The following DNAAF1 variants were observed in gnomAD, a reference collection of about 807,000 sequenced individuals.
DNAAF1 encodes dynein axonemal assembly factor 1, also known as dynein assembly factor 1, axonemal.
Under a neutral mutation model 71.1 loss-of-function variants are expected in DNAAF1, and 65 were observed. The ratio of observed to expected loss-of-function variants is 0.91; its 90% CI spans 0.75 to 1.12. The LOEUF is 1.12. Among genes scored for constraint, DNAAF1 ranks in the 50% most tolerant of loss-of-function variants. The pLI is 0.00. For missense variants in DNAAF1, 1,178 were observed against 899.8 expected, an observed-to-expected ratio of 1.31 and a Z score of -3.96; for synonymous variants, 414 against 354.6, an observed-to-expected ratio of 1.17 and a Z score of -1.88.
Position 84,159,113 on chromosome 16 carries a change from G to A in DNAAF1, c.742-562G>A, listed in dbSNP as rs1449095628. 53 of 991,670 alleles carry A rather than the reference G, an allele frequency of 5.3e-5. 1 individual carries two copies. Among genetic ancestry groups the A allele is most frequent in the East Asian group, 1.1e-4 (1 of 9,060 alleles). 61.4% of individuals were successfully genotyped at this position (991,670 alleles called of 1,614,324 possible). ...TAAAGATGGGGGAGGATGGCAGGTCGGATTGCCGAGCCCCTTCCTCCTCCC... is the reference window on the plus strand; with the variant it reads ...TAAAGATGGGGGAGGATGGCAGGTCAGATTGCCGAGCCCCTTCCTCCTCCC... On this transcript the variant is annotated intron_variant, in intron 5 of 11. Transcript: ENST00000378553.
intron 6 of DNAAF1, among the ~76,000 whole-genome samples, chr16:84,160,543 C>A (rs149559607): frequency 1.3e-5 from 2 of 152,130 alleles, no homozygotes; most frequent in African/African-American, 4.8e-5. Context: ...TTGCATTATA[C>A]AACATTTAAA....
At position 84,155,749 on chromosome 16, in the gene DNAAF1, G is replaced by A. The variant is rs1420357344; in HGVS notation, c.741G>A (p.Leu247=). 3 of 1,613,576 alleles carry A rather than the reference G, an allele frequency of 1.9e-6. No individual in the cohort carries two copies. The African/African-American group carries it at 4.0e-5, about 22-fold the overall frequency. ...ILSILESMPD[L]RVLNLMGNPV... The stretch of plus-strand genomic sequence containing the variant: ...GCATTCTGGAAAGCATGCCCGATTT[G>A]GTAAAAAACAAAAACAAAAACAACG... Residue 247 remains leucine, a splice_region_variant and synonymous_variant, in exon 5 of 12, where the codon TTG becomes TTA. Transcript: ENST00000378553.
chr16:84,149,238 G>C, intron 2 of DNAAF1, 96 bp downstream of exon 2: 1 of 1,496,080 alleles, frequency 6.7e-7, no homozygotes, highest in Non-Finnish European at 9.3e-7. Context: ...GGCTGGTAGA[G>C]ATTGAATTGC....
Position 84,150,705 on chromosome 16 carries a change from T to C in DNAAF1, c.352+363T>C, listed in dbSNP as rs113808489. 7.3e-3 allele frequency among the ~76,000 whole-genome samples: 1,108 copies of C among 150,928 alleles called. 18 individuals carry two copies. The highest frequency in any genetic ancestry group is 0.026 in the African/African-American group (1,051 of 41,082). Reference sequence around the variant, plus strand: ...ATCTCTGCTCACTGCAACCTCTGTCTCCAGGTTCAAGCAATTCTCCTACCT... The same window carrying C: ...ATCTCTGCTCACTGCAACCTCTGTCCCCAGGTTCAAGCAATTCTCCTACCT... On this transcript the variant is annotated intron_variant, in intron 3 of 11. Transcript: ENST00000378553.
At chr16:84,165,741 G>A in intron 6 of DNAAF1, 42 bp from the exon 7 acceptor site, 1 of 1,579,320 alleles carries the variant, frequency 6.3e-7, no homozygotes, top group Non-Finnish European at 8.7e-7. Flanking sequence ...TGTATGTTTG[G>A]AGTTCACCTC....
rs903969022 is a variant in DNAAF1, at chr16:84,172,397, G to C, written c.1644+22G>C. On this transcript the variant is annotated intron_variant, in intron 9 of 11. Coordinates refer to ENST00000378553, the MANE Select transcript of DNAAF1 (RefSeq NM_178452.6). ...TGATGTACATGAAGTATTTAATCTT[G>C]GAGATAAGTATCAGTTTTACTGTTA... The C allele has an allele frequency of 6.2e-6, 10 of 1,612,752 alleles. No homozygotes were observed. In the African/African-American group the frequency reaches 1.1e-4, roughly 17 times the overall value.
Position 84,169,878 on chromosome 16 carries a change from T to A in DNAAF1, c.1050T>A (p.Asp350Glu), listed in dbSNP as rs759737798. 3.1e-6 allele frequency: 5 copies of A among 1,613,928 alleles called. No homozygotes were observed. The highest frequency in any genetic ancestry group is 4.2e-6 in the Non-Finnish European group (5 of 1,180,042). The stretch of plus-strand genomic sequence containing the variant: ...CATTAGGGGAGATGACATCTTCAGA[T>A]GATGGTGAGAATGTGCCCGCCAGTG... ...SQERGEMTSS[D>E]DGENVPASAE... is the part of the protein sequence containing the mutation. Residue 350 changes from aspartate to glutamate, a missense_variant, in exon 8 of 12, where the codon GAT becomes GAA. Asp to Glu is a conservative substitution (Grantham distance 45). Transcript: ENST00000378553.
intron 4 of DNAAF1, among the ~76,000 whole-genome samples, chr16:84,155,044 G>A (rs767514973): frequency 5.3e-5 from 8 of 152,010 alleles, no homozygotes; most frequent in South Asian, 2.1e-4. Flanking sequence ...AAATAGCTGG[G>A]ACTACAGGCA....
chr16:84,150,384 G>A, intron 3 of DNAAF1, 42 bp downstream of exon 3: 1 of 1,452,968 alleles, frequency 6.9e-7, no homozygotes, highest in Non-Finnish European at 9.7e-7. Context: ...CAGGTGGAAA[G>A]ATTCTGTCTA....
At position 84,170,321 on chromosome 16, in the gene DNAAF1, C is replaced by A. The variant is rs1192806420; in HGVS notation, c.1493C>A (p.Ala498Asp). The change falls in exon 8 of 12, where the codon GCC becomes GAC. Residue 498 changes from alanine to aspartate, a missense_variant. By Grantham distance (126) the Ala-to-Asp change is moderately radical. Coordinates refer to ENST00000378553, the MANE Select transcript of DNAAF1 (RefSeq NM_178452.6). ...CCAGAGGGGACCCTCCCAGCTGAGG[C>A]CCCACCACCACCGCCCCTGGGAGCT... is the stretch of plus-strand genomic sequence containing the variant. ...REPEGTLPAE[A>D]PPPPPLGAAR... The A allele has an allele frequency of 1.9e-6, 3 of 1,611,764 alleles. No individual in the cohort carries two copies. Among genetic ancestry groups the A allele is most frequent in the South Asian group, 1.1e-5 (1 of 90,956 alleles).
chr16:84,148,582 T>TTCTCTCTCTCTC (rs1287215005), intron 1 of DNAAF1, among the ~76,000 whole-genome samples: 2 of 117,428 alleles, frequency 1.7e-5, no homozygotes, highest in South Asian at 5.1e-4. Context: ...AAGATTACTG[T>TTCTCTCTCTCTC]TCTCTCTCTC....
Position 84,172,745 on chromosome 16 carries a change from T to C in DNAAF1, c.1644+370T>C, listed in dbSNP as rs549307582. Reference sequence around the variant, plus strand: ...ATCCAAATTCGTGGTGAGAGTTACATTGTATCATCAGTTACATTGTATCTT... The same window carrying C: ...ATCCAAATTCGTGGTGAGAGTTACACTGTATCATCAGTTACATTGTATCTT... On this transcript the variant is annotated intron_variant, in intron 9 of 11. Transcript: ENST00000378553. 54 of 1,160,354 alleles carry C rather than the reference T, an allele frequency of 4.7e-5. No homozygotes were observed. In the South Asian group the frequency reaches 9.6e-4, roughly 21 times the overall value. The allele number at this position is 1,160,354 out of a possible 1,614,324, so 71.9% of individuals were successfully genotyped here.
Position 84,172,525 on chromosome 16 carries a change from A to G in DNAAF1, c.1644+150A>G, listed in dbSNP as rs573864984. 3.3e-5 allele frequency: 49 copies of G among 1,481,316 alleles called. No individual in the cohort carries two copies. In the African/African-American group the frequency reaches 6.3e-4, roughly 19 times the overall value. 91.8% of individuals were successfully genotyped at this position (1,481,316 alleles called of 1,614,324 possible). A position where few individuals can be genotyped will look rare whatever the true frequency, so the allele number is the denominator to read the frequency against. ...TTTCTGGGGCGCTGGTTAGAAATGC[A>G]GACTCCCAGGCCTCACCCCAGGCCC... On this transcript the variant is annotated intron_variant, in intron 9 of 11. Coordinates refer to ENST00000378553, the MANE Select transcript of DNAAF1 (RefSeq NM_178452.6).
At chr16:84,174,510 G>C in intron 9 of DNAAF1, 159 bp from the exon 10 acceptor site, 1 of 1,533,616 alleles carries the variant, frequency 6.5e-7, no homozygotes, top group South Asian at 1.2e-5. Context: ...TGTGTATCTA[G>C]AGTTCCTTTT....
At chr16:84,161,757 C>T (rs1175235707) in intron 6 of DNAAF1, among the ~76,000 whole-genome samples, 1 of 151,810 alleles carries the variant, frequency 6.6e-6, no homozygotes, top group Non-Finnish European at 1.5e-5. Flanking sequence ...GGTATCTGCT[C>T]ATCTGTCGTT....
At chr16:84,156,851 CTTT>C (rs778916785) in intron 5 of DNAAF1, among the ~76,000 whole-genome samples, 4 of 111,804 alleles carry the variant, frequency 3.6e-5, no homozygotes, top group Non-Finnish European at 7.0e-5. Context: ...TTCTTTCTTT[CTTT>C]TTTTTTTTTT....
At chr16:84,166,370 C>CTTTT (rs535417461) in intron 7 of DNAAF1, among the ~76,000 whole-genome samples, 27 of 118,772 alleles carry the variant, frequency 2.3e-4, no homozygotes, top group Non-Finnish European at 3.0e-4. Flanking sequence ...TTCTTTTTTT[C>CTTTT]TTTTTTTTTT....
chr16:84,154,883 G>A, intron 4 of DNAAF1, 85 bp downstream of exon 4: 1 of 1,155,270 alleles, frequency 8.7e-7, no homozygotes, highest in South Asian at 1.3e-5. Flanking sequence ...TTATATTATG[G>A]GCAAGAAGTG....
rs1488717484 is a variant in DNAAF1 at position 84,175,982 on chromosome 16, G to T, written c.1748G>T (p.Ser583Ile). 1 of 1,614,116 alleles carries T rather than the reference G, an allele frequency of 6.2e-7. No individual in the cohort carries two copies. The highest frequency in any genetic ancestry group is 1.3e-5 in the African/African-American group (1 of 75,038). The stretch of plus-strand genomic sequence containing the variant: ...GTCATCTCGAGCTTGAGTGATGACA[G>T]TGACCCTGAACTGGACTACACGTCA... Reference protein sequence around the residue: ...IEVISSLSDDSDPELDYTSLP... With the variant: ...IEVISSLSDDIDPELDYTSLP... Residue 583 changes from serine (S) to isoleucine (I), a missense_variant, in exon 11 of 12, where the codon AGT (serine) becomes ATT (isoleucine). Physicochemically the swap from Ser to Ile is moderately radical, Grantham distance 142. Coordinates refer to ENST00000378553, the MANE Select transcript of DNAAF1 (RefSeq NM_178452.6).
Sources: allele counts gnomAD v4.1 joint callset (sites outside exome capture counted in the v4.1 genomes callset), GRCh38; gene constraint gnomAD v4.1.1; transcripts MANE v1.5; gene names NCBI Gene and HGNC (gene_info 2026-07-23, HGNC 2026-07-21).